The following PCDHGA8 variants were observed in gnomAD, a reference collection of about 807,000 sequenced individuals.
PCDHGA8 encodes protocadherin gamma subfamily A, 8, also known as protocadherin gamma-A8.
A neutral mutation model predicts 59.2 loss-of-function variants in PCDHGA8; 45 were observed. The observed-to-expected ratio is 0.76, with a 90% CI of 0.60 to 0.98. The LOEUF is 0.98. PCDHGA8 is among the 50% of genes least tolerant of loss of function. The probability of loss-of-function intolerance (pLI) is 0.00; values close to 1 mark genes in which losing one functional copy is unlikely to be tolerated. For missense variants in PCDHGA8, 1,257 were observed against 1,196.2 expected (o/e 1.05, Z -0.75); for synonymous variants, 531 against 519.0 (o/e 1.02, Z -0.32).
At chr5:141,492,063 C>T in intron 1 of PCDHGA8, 1 of 481,160 alleles carries the variant, frequency 2.1e-6, no homozygotes, top group African/African-American at 2.0e-5. Flanking sequence ...CAGCCAGCCT[C>T]CTAGGCGCCG....
intron 2 of PCDHGA8, among the ~76,000 whole-genome samples, chr5:141,500,928 G>A (rs2099803943): frequency 6.6e-6 from 1 of 151,476 alleles, no homozygotes; most frequent in African/African-American, 2.4e-5. Context: ...GGGTGCAGTG[G>A]CGCCATCTCG....
intron 1 of PCDHGA8, among the ~76,000 whole-genome samples, chr5:141,468,791 G>A (rs941787269): frequency 2.6e-5 from 4 of 151,954 alleles, no homozygotes; most frequent in East Asian, 3.9e-4. Context: ...GCGTGAACCC[G>A]GGAGGCGGAA....
chr5:141,419,043 A>G (rs1561777660), intron 1 of PCDHGA8: 5 of 1,613,958 alleles, frequency 3.1e-6, no homozygotes. Flanking sequence ...TTTAAGATTC[A>G]TTCTTCTTCT....
At chr5:141,422,897 A>AT (rs778069795) in intron 1 of PCDHGA8, 4 of 1,614,212 alleles carry the variant, frequency 2.5e-6, no homozygotes, top group Non-Finnish European at 3.4e-6. Flanking sequence ...CTGGACCAGA[A>AT]CGACAATGCG....
intron 1 of PCDHGA8, chr5:141,409,213 C>A (rs1379007048): frequency 6.2e-7 from 1 of 1,613,994 alleles, no homozygotes; most frequent in East Asian, 2.2e-5. Context: ...TCATAGAAAT[C>A]CTTGATGAAA....
At chr5:141,421,252 G>A in intron 1 of PCDHGA8, 1 of 1,607,158 alleles carries the variant, frequency 6.2e-7, no homozygotes, top group Non-Finnish European at 8.5e-7. Context: ...ACAGCGCGGG[G>A]ACCGCAGTCG....
In PCDHGA8 at chr5:141,393,285, G is replaced by A. The variant is rs771057124; in HGVS notation, c.472G>A (p.Val158Ile). 2 of 1,613,966 alleles carry A rather than the reference G, an allele frequency of 1.2e-6. No homozygotes were observed. The highest frequency in any genetic ancestry group is 1.7e-6 in the Non-Finnish European group (2 of 1,179,902). ...PGARYPLPEA[V>I]DPDVGVNSLQ... ...AGCACGTTATCCACTCCCAGAAGCT[G>A]TTGACCCGGATGTGGGCGTGAACTC... Residue 158 changes from valine to isoleucine, a missense_variant, in exon 1 of 4, where the codon GTT becomes ATT. By Grantham distance (29) the Val-to-Ile change is conservative (BLOSUM62 3). Transcript: ENST00000398604.
intron 1 of PCDHGA8, among the ~76,000 whole-genome samples, chr5:141,481,886 C>T (rs575190135): frequency 6.9e-6 from 1 of 145,360 alleles, no homozygotes; most frequent in South Asian, 2.2e-4. Context: ...TGCACTCCAG[C>T]CTGGGTGAAA....
In PCDHGA8 at chr5:141,505,574, CCT is replaced by C. The variant is rs562555098; in HGVS notation, c.2572+94_2572+95del. 5.3e-5 allele frequency: 85 copies of C among 1,593,636 alleles called. No individual in the cohort carries two copies. The African/African-American group carries it at 1.0e-3, about 20-fold the overall frequency. On this transcript the variant is annotated intron_variant, in intron 3 of 3. Coordinates refer to ENST00000398604, the MANE Select transcript of PCDHGA8 (RefSeq NM_032088.2). ...CCATGCCCACGGACTGGATGTCAAACCTGTGTAGTTTCTCCAGATCTTTCGGC... is the reference window on the plus strand; with the variant it reads ...CCATGCCCACGGACTGGATGTCAAACGTGTAGTTTCTCCAGATCTTTCGGC...
At chr5:141,436,074 G>A (rs1048063491) in intron 1 of PCDHGA8, among the ~76,000 whole-genome samples, 3 of 152,058 alleles carry the variant, frequency 2.0e-5, no homozygotes, top group Non-Finnish European at 4.4e-5. Context: ...TAAGTACAGT[G>A]TTCTATAGGT....
Position 141,393,515 on chromosome 5 carries a change from T to C in PCDHGA8, c.702T>C (p.Asp234=). Residue 234 remains aspartate (D), a synonymous_variant, in exon 1 of 4, where the codon GAT becomes GAC. Transcript: ENST00000398604. Reference sequence around the variant, plus strand: ...TGCGCATCCACGTGACAGTGTTGGATACAAATGACAATGCCCCGGTTTTTC... The same window carrying C: ...TGCGCATCCACGTGACAGTGTTGGACACAAATGACAATGCCCCGGTTTTTC... The part of the protein sequence containing the change: ...STVRIHVTVL[D]TNDNAPVFPH... 1.2e-6 allele frequency: 2 copies of C among 1,613,990 alleles called. No individual in the cohort carries two copies. The highest frequency in any genetic ancestry group is 1.7e-6 in the Non-Finnish European group (2 of 1,179,898).
intron 1 of PCDHGA8, among the ~76,000 whole-genome samples, chr5:141,445,318 G>T (rs182520609): frequency 2.0e-4 from 30 of 152,306 alleles, no homozygotes; most frequent in African/African-American, 7.2e-4. Context: ...TAGGTTGAGA[G>T]AACCCATCCA....
Position 141,485,486 on chromosome 5 carries a change from C to A in PCDHGA8, c.2425-9321C>A. On this transcript the variant is annotated intron_variant, in intron 1 of 3. Transcript: ENST00000398604. This position sits in a 1 kb window ranked among gnomAD's most constrained non-coding sequence, Gnocchi z 5.7. Reference sequence around the variant, plus strand: ...TGGGCTCAGTGCCAGCTGCATCGTGCCCCTGGAGTTTGTCACCGAAGGTCC... The same window carrying A: ...TGGGCTCAGTGCCAGCTGCATCGTGACCCTGGAGTTTGTCACCGAAGGTCC... 6.2e-7 allele frequency: 1 copy of A among 1,614,104 alleles called. No individual in the cohort carries two copies.
At chr5:141,399,705 C>G in intron 1 of PCDHGA8, 1 of 1,613,470 alleles carries the variant, frequency 6.2e-7, no homozygotes. Flanking sequence ...CCTTCGAACT[C>G]ACACTACAGG....
At chr5:141,400,031 G>T in intron 1 of PCDHGA8, 1 of 1,613,082 alleles carries the variant, frequency 6.2e-7, no homozygotes, top group Admixed American at 1.7e-5. Flanking sequence ...GACGCGGCCC[G>T]CCAGCGCCTG....
chr5:141,423,594 C>A, intron 1 of PCDHGA8: 1 of 1,599,308 alleles, frequency 6.3e-7, no homozygotes, highest in South Asian at 1.1e-5. Context: ...GTGAGAAAAG[C>A]GAGCCACTCT....
chr5:141,465,210 AT>A (rs1374516492), intron 1 of PCDHGA8, among the ~76,000 whole-genome samples: 4 of 152,032 alleles, frequency 2.6e-5, no homozygotes, highest in African/African-American at 9.7e-5. Flanking sequence ...TATAAGCTTT[AT>A]TTTTCAACAT....
chr5:141,405,840 A>ATATCAGTGT (rs2094725824), intron 1 of PCDHGA8, among the ~76,000 whole-genome samples: 1 of 152,188 alleles, frequency 6.6e-6, no homozygotes, highest in Non-Finnish European at 1.5e-5. Context: ...GTATAAGTTG[A>ATATCAGTGT]TATCAGTGTG....
At chr5:141,405,667 G>A (rs911046478) in intron 1 of PCDHGA8, among the ~76,000 whole-genome samples, 10 of 152,044 alleles carry the variant, frequency 6.6e-5, no homozygotes, top group Non-Finnish European at 7.4e-5. Flanking sequence ...TAGTAGAGAC[G>A]GGGTGTCACC....
Sources: gnomAD v4.1 joint callset for allele counts (sites outside exome capture counted in the v4.1 genomes callset) on GRCh38, gnomAD v4.1.1 for gene constraint, Gnocchi (gnomAD v3.1) non-coding constraint, MANE v1.5 for transcripts, NCBI Gene and HGNC (gene_info 2026-07-23, HGNC 2026-07-21) for gene names.